Variants in PFKFB3 observed in about 807,000 individuals in gnomAD.
The protein encoded by PFKFB3 is 6-phosphofructo-2-kinase/fructose-2,6-bisphosphatase 3.
Under a neutral mutation model 68.0 loss-of-function variants are expected in PFKFB3, and 33 were observed. The ratio of observed to expected loss-of-function variants is 0.49; its 90% CI spans 0.37 to 0.65. PFKFB3 has a LOEUF of 0.65. PFKFB3 is among the 30% of genes least tolerant of loss of function. The pLI is 0.00. For missense variants in PFKFB3, 586 were observed against 712.2 expected (o/e 0.82, Z 2.02); for synonymous variants, 315 against 288.2 (o/e 1.09, Z -0.94).
chr10:6,161,421 TC>T (rs1303887987), intron 1 of PFKFB3, among the ~76,000 whole-genome samples: 1 of 152,148 alleles, frequency 6.6e-6, no homozygotes, highest in African/African-American at 2.4e-5. Flanking sequence ...TGTGGAGGGA[TC>T]CTTTGCAGTC....
intron 1 of PFKFB3, among the ~76,000 whole-genome samples, chr10:6,191,963 G>A (rs1202619205): frequency 6.6e-6 from 1 of 151,848 alleles, no homozygotes; most frequent in Non-Finnish European, 1.5e-5. Context: ...AGACCAAATT[G>A]GATATGAGCA....
At chr10:6,264,017 T>G in the PFKFB3 span, among the ~76,000 whole-genome samples, 1 of 152,238 alleles carries the variant, frequency 6.6e-6, no homozygotes, top group Non-Finnish European at 1.5e-5. Flanking sequence ...CTTGTGGTTT[T>G]GCCTTTTAGC....
At chr10:6,249,985 G>A (rs2153755) in intron 14 of PFKFB3, among the ~76,000 whole-genome samples, 15,355 of 152,060 alleles carry the variant, frequency 0.1, 1,927 homozygotes, top group African/African-American at 0.28. Flanking sequence ...ATTTAAAAAT[G>A]TGAACATTTA....
At chr10:6,291,527 G>C in the PFKFB3 span, among the ~76,000 whole-genome samples, 1 of 151,138 alleles carries the variant, frequency 6.6e-6, no homozygotes, top group Non-Finnish European at 1.5e-5. Flanking sequence ...ACTCCAGCCT[G>C]GGCAGTGGAA....
the PFKFB3 span, among the ~76,000 whole-genome samples, chr10:6,279,928 G>A: frequency 7.7e-6 from 1 of 129,140 alleles, no homozygotes; most frequent in Non-Finnish European, 1.7e-5. Context: ...AGGCTGTGAA[G>A]GAAGGCCTCT....
the PFKFB3 span, among the ~76,000 whole-genome samples, chr10:6,286,087 C>T: frequency 6.7e-6 from 1 of 149,918 alleles, no homozygotes; most frequent in South Asian, 2.1e-4. Flanking sequence ...ACGCCATTCT[C>T]CTGCCTCAGC....
In PFKFB3 at chr10:6,173,167, G is replaced by A. The variant is rs1373257422; in HGVS notation, c.16+28154G>A. On this transcript the variant is annotated intron_variant, in intron 1 of 14. Transcript: ENST00000379789. Reference sequence around the variant, plus strand: ...TCACCTCACACCCTTCCTCCAGGAAGCCCTCCCTGACTTTCTAGGCAGAGT... The same window carrying A: ...TCACCTCACACCCTTCCTCCAGGAAACCCTCCCTGACTTTCTAGGCAGAGT... Among the ~76,000 whole-genome samples the A allele has an allele frequency of 5.3e-5, 8 of 152,240 alleles. No individual in the cohort carries two copies. In the East Asian group the frequency reaches 1.5e-3, roughly 29 times the overall value.
rs572468669 is a variant in PFKFB3, at chr10:6,170,946, C to T, written c.16+25933C>T. Among the ~76,000 whole-genome samples the T allele has an allele frequency of 3.3e-5, 5 of 152,304 alleles. 1 individual carries two copies. Among genetic ancestry groups the T allele is most frequent in the African/African-American group, 1.2e-4 (5 of 41,570 alleles). On this transcript the variant is annotated intron_variant, in intron 1 of 14. Coordinates refer to the PFKFB3 transcript ENST00000379789. ...CTGCCTAATCCAGCAGCTGGGAAGA[C>T]AGGATACCCTCAGGCCCTTCCTTAG...
chr10:6,149,327 C>T (rs1841500251), intron 1 of PFKFB3, among the ~76,000 whole-genome samples: 1 of 152,090 alleles, frequency 6.6e-6, no homozygotes, highest in Admixed American at 6.5e-5. Context: ...GTGGCTCATG[C>T]CTATAATCCC....
the PFKFB3 span, among the ~76,000 whole-genome samples, chr10:6,323,863 T>C: frequency 2.0e-5 from 3 of 152,122 alleles, no homozygotes; most frequent in Non-Finnish European, 4.4e-5. Context: ...TCCTTAAAAA[T>C]GAAACAGAGG....
intron 1 of PFKFB3, among the ~76,000 whole-genome samples, chr10:6,155,304 G>A (rs1210346356): frequency 1.3e-5 from 2 of 149,220 alleles, no homozygotes; most frequent in Non-Finnish European, 3.0e-5. Context: ...CCGGGTTCAT[G>A]CCATTCTCCT....
the PFKFB3 span, among the ~76,000 whole-genome samples, chr10:6,325,297 C>T: frequency 6.6e-6 from 1 of 152,152 alleles, no homozygotes; most frequent in African/African-American, 2.4e-5. Context: ...AATGTAAGCA[C>T]TCAAACTTTC....
At chr10:6,263,458 G>A in the PFKFB3 span, among the ~76,000 whole-genome samples, 1 of 152,208 alleles carries the variant, frequency 6.6e-6, no homozygotes, top group Non-Finnish European at 1.5e-5. Flanking sequence ...GCCAGTTTAT[G>A]GCCAGATTTT....
At chr10:6,262,055 C>T in the PFKFB3 span, among the ~76,000 whole-genome samples, 1 of 150,932 alleles carries the variant, frequency 6.6e-6, no homozygotes, top group Non-Finnish European at 1.5e-5. Context: ...AGATACTAGA[C>T]TTAATACCTG....
chr10:6,220,931 T>G lies in PFKFB3; in HGVS notation c.831+66T>G, dbSNP rs1397370849. 1.0e-5 allele frequency: 14 copies of G among 1,382,144 alleles called. No homozygotes were observed. Among genetic ancestry groups the G allele is most frequent in the Non-Finnish European group, 1.4e-5 (14 of 987,450 alleles). 85.6% of individuals were successfully genotyped at this position (1,382,144 alleles called of 1,614,324 possible). A position where few individuals can be genotyped will look rare whatever the true frequency, so the allele number is the denominator to read the frequency against. ...GCGGTTGCAGGGTCTATAGGGTGGG[T>G]GGGGAGCTGTGTGCTGCTGCTGCTG... On this transcript the variant is annotated intron_variant, in intron 8 of 14. Transcript: ENST00000379775. This position sits in a 1 kb window ranked among gnomAD's most constrained non-coding sequence, Gnocchi z 4.1.
rs753338368 is a variant in PFKFB3, at chr10:6,203,241, C to T, written c.-20C>T. Reference sequence around the variant, plus strand: ...GGGATCTCGGCCCCGGGAGGCGGGCCGTCGGGCGCAGCCGCGAAGATGCCG... The same window carrying T: ...GGGATCTCGGCCCCGGGAGGCGGGCTGTCGGGCGCAGCCGCGAAGATGCCG... On this transcript the variant is annotated 5_prime_UTR_variant, in exon 1 of 15. Transcript: ENST00000379775. 2 of 1,604,542 alleles carry T rather than the reference C, an allele frequency of 1.2e-6. No homozygotes were observed. Among genetic ancestry groups the T allele is most frequent in the Admixed American group, 1.7e-5 (1 of 59,266 alleles).
At chr10:6,231,341 G>A in intron 14 of PFKFB3, 8 of 1,611,584 alleles carry the variant, frequency 5.0e-6, no homozygotes, top group Non-Finnish European at 6.8e-6. Flanking sequence ...ATGTCCCTCT[G>A]TCCCGCACCG....
the PFKFB3 span, among the ~76,000 whole-genome samples, chr10:6,309,570 T>C: frequency 6.6e-6 from 1 of 152,142 alleles, no homozygotes; most frequent in South Asian, 2.1e-4. Context: ...TGCAGTGAGC[T>C]GAGATTGTGC....
chr10:6,211,497 A>G (rs1844229216), intron 1 of PFKFB3, among the ~76,000 whole-genome samples: 2 of 152,142 alleles, frequency 1.3e-5, no homozygotes, highest in Non-Finnish European at 2.9e-5. Context: ...ATTGTTTCCA[A>G]GGAGTTGCTG....
Sources: gnomAD v4.1 joint callset for allele counts (sites outside exome capture counted in the v4.1 genomes callset) on GRCh38, gnomAD v4.1.1 for gene constraint, Gnocchi (gnomAD v3.1) non-coding constraint, MANE v1.5 for transcripts, NCBI Gene and HGNC (gene_info 2026-07-23, HGNC 2026-07-21) for gene names.